Variants in ADCY1 observed in about 807,000 individuals in gnomAD.
ADCY1 encodes the protein adenylate cyclase type 1.
A neutral mutation model predicts 105.4 loss-of-function variants in ADCY1; 28 were observed. The observed-to-expected ratio is 0.27, with a 90% CI of 0.20 to 0.36. The LOEUF (loss-of-function observed/expected upper bound fraction) is 0.36. Among genes scored for constraint, ADCY1 ranks in the 10% least tolerant of loss-of-function variants. ADCY1 has a pLI of 1.00. For missense variants in ADCY1, 977 were observed against 1,434.2 expected, an observed-to-expected ratio of 0.68 and a Z score of 5.15; for synonymous variants, 655 against 623.8, an observed-to-expected ratio of 1.05 and a Z score of -0.75.
intron 4 of ADCY1, among the ~76,000 whole-genome samples, chr7:45,642,653 G>C: frequency 6.6e-6 from 1 of 152,106 alleles, no homozygotes; most frequent in Non-Finnish European, 1.5e-5. Flanking sequence ...TGCACTTCTC[G>C]TTGCTTCTCT....
intron 19 of ADCY1, among the ~76,000 whole-genome samples, chr7:45,711,611 A>G (rs1055840201): frequency 8.4e-5 from 1 of 11,956 alleles, no homozygotes; most frequent in African/African-American, 2.1e-4. Flanking sequence ...CGTGCTGTAT[A>G]TATATATATA....
chr7:45,589,622 G>A (rs760292800), intron 1 of ADCY1, among the ~76,000 whole-genome samples: 4 of 152,106 alleles, frequency 2.6e-5, no homozygotes, highest in Non-Finnish European at 4.4e-5. Context: ...CAACACAGTG[G>A]ATGCATTTGG....
chr7:45,577,148 T>A (rs1424808571), intron 1 of ADCY1, among the ~76,000 whole-genome samples: 2 of 152,114 alleles, frequency 1.3e-5, no homozygotes, highest in Non-Finnish European at 2.9e-5. Flanking sequence ...GTTTCCCTGC[T>A]AGCTGTGACT....
At chr7:45,659,759 T>C (rs546928586) in intron 6 of ADCY1, among the ~76,000 whole-genome samples, 2 of 148,498 alleles carry the variant, frequency 1.3e-5, no homozygotes, top group South Asian at 4.2e-4. Flanking sequence ...GATGTATTCT[T>C]TCTCTCTCTC....
chr7:45,615,107 A>G (rs1266417538), intron 3 of ADCY1, among the ~76,000 whole-genome samples: 2 of 152,254 alleles, frequency 1.3e-5, no homozygotes, highest in South Asian at 2.1e-4. Context: ...ATCTTTCTCT[A>G]GGAAAGGTCA....
intron 2 of ADCY1, among the ~76,000 whole-genome samples, chr7:45,599,648 G>T (rs900680013): frequency 6.7e-6 from 1 of 150,130 alleles, no homozygotes; most frequent in African/African-American, 2.5e-5. Flanking sequence ...TTTTTTTGAG[G>T]CAGAGTCTCA....
intron 18 of ADCY1, among the ~76,000 whole-genome samples, chr7:45,709,192 C>T (rs1001360878): frequency 3.9e-5 from 6 of 152,146 alleles, no homozygotes; most frequent in East Asian, 1.9e-4. Context: ...AAAGCAAGCT[C>T]GGCTTTAGGC....
chr7:45,706,709 A>G (rs1006039190), intron 17 of ADCY1, among the ~76,000 whole-genome samples: 1 of 152,274 alleles, frequency 6.6e-6, no homozygotes, highest in East Asian at 1.9e-4. Context: ...GGTAAGTTGG[A>G]CTTCATGAAA....
intron 2 of ADCY1, among the ~76,000 whole-genome samples, chr7:45,601,498 C>T (rs1793239062): frequency 6.6e-6 from 1 of 152,152 alleles, no homozygotes; most frequent in Non-Finnish European, 1.5e-5. Flanking sequence ...CTCCTTTTCG[C>T]AGTACTGCCA....
intron 1 of ADCY1, among the ~76,000 whole-genome samples, chr7:45,583,325 G>T (rs182082868): frequency 6.6e-6 from 1 of 152,318 alleles, no homozygotes; most frequent in East Asian, 1.9e-4. Flanking sequence ...GGAGCAGGTG[G>T]ACAGGATGCT....
At chr7:45,633,295 A>T (rs145469607) in intron 4 of ADCY1, among the ~76,000 whole-genome samples, 1 of 152,334 alleles carries the variant, frequency 6.6e-6, no homozygotes, top group African/African-American at 2.4e-5. Context: ...CTTGAACATC[A>T]CGGATTTGAA....
rs1384900747 is a variant in ADCY1 at position 45,710,202 on chromosome 7, T to C, written c.2933-326T>C. Among the ~76,000 whole-genome samples, 1 of 152,158 alleles carries C rather than the reference T, an allele frequency of 6.6e-6. No individual in the cohort carries two copies. The highest frequency in any genetic ancestry group is 1.5e-5 in the Non-Finnish European group (1 of 68,032). On this transcript the variant is annotated intron_variant, in intron 18 of 19. Coordinates refer to ENST00000297323, the MANE Select transcript of ADCY1 (RefSeq NM_021116.4). The surrounding 1 kb of genome is among the most constrained non-coding windows in gnomAD (Gnocchi z 4.7). ...TTCTGAGTGGCTCCCCTGGTAGGGC[T>C]CAGCACAGAGGCTGCTATTCCAGGA...
Position 45,576,023 on chromosome 7 carries a change from G to C in ADCY1, c.639+841G>C, listed in dbSNP as rs888969694. ...GCTTCCCCTTGTGCCCATCTCCAACGGGCCGCAGGGATGGGGCTGGGGAGT... is the reference window on the plus strand; with the variant it reads ...GCTTCCCCTTGTGCCCATCTCCAACCGGCCGCAGGGATGGGGCTGGGGAGT... On this transcript the variant is annotated intron_variant, in intron 1 of 19. Transcript: ENST00000297323. Among the ~76,000 whole-genome samples, 10 of 147,712 alleles carry C rather than the reference G, an allele frequency of 6.8e-5. No individual in the cohort carries two copies. The East Asian group carries it at 1.9e-3, about 28-fold the overall frequency.
Position 45,714,167 on chromosome 7 carries a change from G to C in ADCY1, c.*172G>C. On this transcript the variant is annotated 3_prime_UTR_variant, in exon 20 of 20. Coordinates refer to ENST00000297323, the MANE Select transcript of ADCY1 (RefSeq NM_021116.4). ...GCCTGTGGCCCGAGGGCCAACCACC[G>C]AGCAGGCACAGCACAGCAGTGACTC... The C allele has an allele frequency of 1.7e-6, 1 of 598,932 alleles. No individual in the cohort carries two copies. 37.1% of individuals were successfully genotyped at this position (598,932 alleles called of 1,614,324 possible).
chr7:45,699,186 G>A (rs1019650281), intron 14 of ADCY1, among the ~76,000 whole-genome samples: 4 of 152,208 alleles, frequency 2.6e-5, no homozygotes, highest in Admixed American at 2.0e-4. Context: ...CCAGTAAGAG[G>A]AGTGACCAAA....
At position 45,703,123 on chromosome 7, in the gene ADCY1, A is replaced by G. The variant is rs1690271161; in HGVS notation, c.2455-253A>G. ...GCGGAGGGCAGGGCGGACCCTGGAA[A>G]TGAGGTGAAGCCATAGTTTGTCCTT... On this transcript the variant is annotated intron_variant, in intron 14 of 19. Transcript: ENST00000297323. The surrounding 1 kb of genome is among the most constrained non-coding windows in gnomAD (Gnocchi z 5.9). Among the ~76,000 whole-genome samples the G allele has an allele frequency of 6.6e-6, 1 of 152,166 alleles. No homozygotes were observed. The highest frequency in any genetic ancestry group is 1.5e-5 in the Non-Finnish European group (1 of 68,014).
At chr7:45,684,608 CAAA>C (rs142654508) in intron 11 of ADCY1, 1,792 of 161,074 alleles carry the variant, frequency 0.011, 40 homozygotes, top group African/African-American at 0.041. Context: ...TAGAGCATAT[CAAA>C]GAAGACACAA....
At position 45,589,462 on chromosome 7, in the gene ADCY1, T is replaced by C. The variant is rs568854061; in HGVS notation, c.640-3297T>C. ...GACCCGAGCCTGCCTTTCTTGTCAT[T>C]GTGACATGTGCTAAGCCACATTACA... On this transcript the variant is annotated intron_variant, in intron 1 of 19. Coordinates refer to ENST00000297323, the MANE Select transcript of ADCY1 (RefSeq NM_021116.4). 3.9e-4 allele frequency among the ~76,000 whole-genome samples: 60 copies of C among 152,324 alleles called. 1 individual carries two copies. The Middle Eastern group carries it at 0.01, about 26-fold the overall frequency.
Position 45,656,727 on chromosome 7 carries a change from C to T in ADCY1, c.1149-1000C>T, listed in dbSNP as rs79004755. On this transcript the variant is annotated intron_variant, in intron 5 of 19. Coordinates refer to ENST00000297323, the MANE Select transcript of ADCY1 (RefSeq NM_021116.4). Reference sequence around the variant, plus strand: ...TGGCACAGCCTTGCCTTGCATGTACCGAGTTGTTATTGACAAATGTGATAT... The same window carrying T: ...TGGCACAGCCTTGCCTTGCATGTACTGAGTTGTTATTGACAAATGTGATAT... Among the ~76,000 whole-genome samples, 639 of 152,206 alleles carry T rather than the reference C, an allele frequency of 4.2e-3. 8 individuals are homozygous for T. The highest frequency in any genetic ancestry group is 0.014 in the African/African-American group (598 of 41,538).
Sources: gnomAD v4.1 joint callset for allele counts (sites outside exome capture counted in the v4.1 genomes callset) on GRCh38, gnomAD v4.1.1 for gene constraint, Gnocchi (gnomAD v3.1) non-coding constraint, MANE v1.5 for transcripts, NCBI Gene and HGNC (gene_info 2026-07-23, HGNC 2026-07-21) for gene names.